The following IL17RC variants were observed in gnomAD, a reference collection of about 807,000 sequenced individuals.
IL17RC encodes interleukin-17 receptor C.
A neutral mutation model predicts 86.7 loss-of-function variants in IL17RC; 53 were observed. That is an observed-to-expected ratio of 0.61 (90% CI 0.49 to 0.77). The LOEUF is 0.77. IL17RC is among the 30% of genes least tolerant of loss of function. The probability of loss-of-function intolerance (pLI) is 0.00; values close to 1 mark genes in which losing one functional copy is unlikely to be tolerated. For synonymous variants in IL17RC, 439 were observed against 413.1 expected (o/e 1.06, Z -0.76); for missense variants, 957 against 940.0 (o/e 1.02, Z -0.24).
At position 9,932,840 on chromosome 3, in the gene IL17RC, C is replaced by A; in HGVS notation, c.1504C>A (p.Gln502Lys). 6.4e-7 allele frequency: 1 copy of A among 1,564,266 alleles called. No individual in the cohort carries two copies. The highest frequency in any genetic ancestry group is 2.0e-5 in the Admixed American group (1 of 50,678). ...AACAGGGTGGCTGAGGCTCTTGAAACAGGACGTCCGCTCGGGGGGTGAGTG... is the reference window on the plus strand; with the variant it reads ...AACAGGGTGGCTGAGGCTCTTGAAAAAGGACGTCCGCTCGGGGGGTGAGTG... ...HAKGWLRLLK[Q>K]DVRSGAAARG... The change falls in exon 18 of 19, where the codon CAG becomes AAG. Residue 502 changes from glutamine (Q) to lysine (K), a missense_variant. Transcript: ENST00000403601.
rs1260965644 is a variant in IL17RC, at chr3:9,932,863, G to A, written c.1522+5G>A. 10 of 1,576,948 alleles carry A rather than the reference G, an allele frequency of 6.3e-6. No individual in the cohort carries two copies. Among genetic ancestry groups the A allele is most frequent in the African/African-American group, 2.7e-5 (2 of 73,352 alleles). On this transcript the variant is annotated splice_donor_5th_base_variant and intron_variant, in intron 18 of 18. Transcript: ENST00000403601. ...AACAGGACGTCCGCTCGGGGGGTGA[G>A]TGGGAGCAAGCGCTGGGCGGAGGGC...
At position 9,924,267 on chromosome 3, in the gene IL17RC, C is replaced by T. The variant is rs1375880091; in HGVS notation, c.798C>T (p.Asp266=). The part of the protein sequence containing the change: ...GPQIITLNHT[D]LVPCLCIQVW... ...AGATCATTACCTTGAACCACACAGACCTGGTTCCCTGCCTCTGTATTCAGG... is the reference window on the plus strand; with the variant it reads ...AGATCATTACCTTGAACCACACAGATCTGGTTCCCTGCCTCTGTATTCAGG... The change falls in exon 9 of 19, where the codon GAC becomes GAT. Residue 266 remains aspartate (D), a synonymous_variant. Coordinates refer to ENST00000403601, the MANE Select transcript of IL17RC (RefSeq NM_153460.4). 6.2e-7 allele frequency: 1 copy of T among 1,614,108 alleles called. No individual in the cohort carries two copies. Among genetic ancestry groups the T allele is most frequent in the Non-Finnish European group, 8.5e-7 (1 of 1,179,974 alleles).
rs1553575263 is a variant in IL17RC at position 9,917,263 on chromosome 3, T to TGA, written c.-52_-51insAG. On this transcript the variant is annotated 5_prime_UTR_variant, in exon 1 of 19. Transcript: ENST00000403601. ...GGCTGACTGGGGTGTCTGCCCCCCT[T>TGA]GGGGGGGGGCAGCACAGGGCCTCAG... The TGA allele has an allele frequency of 8.1e-4, 1,057 of 1,301,794 alleles. 10 individuals carry two copies. The African/African-American group carries it at 0.014, about 17-fold the overall frequency. 80.6% of individuals were successfully genotyped at this position (1,301,794 alleles called of 1,614,324 possible). A position where few individuals can be genotyped will look rare whatever the true frequency, so the allele number is the denominator to read the frequency against.
chr3:9,925,352 A>G lies in IL17RC; in HGVS notation c.822+1061A>G, dbSNP rs368136527. 1.1e-4 allele frequency among the ~76,000 whole-genome samples: 16 copies of G among 151,698 alleles called. 1 individual carries two copies. Among genetic ancestry groups the G allele is most frequent in the East Asian group, 9.7e-4 (5 of 5,138 alleles). ...AGGATGGTCTCGATCTCCTGACCTT[A>G]TGATCCACAAGCCTCGTCCTCCCAA... On this transcript the variant is annotated intron_variant, in intron 9 of 18. Transcript: ENST00000403601.
In IL17RC at chr3:9,928,467, G is replaced by A; in HGVS notation, c.1040G>A (p.Trp347Ter). ...CAGCCACTGGTCCCACCGCTTTCCT[G>A]GGAGAACGTCACTGTGGACGTAAGT... ...PCQPLVPPLSWENVTVDKVLE... is the reference protein window; with the variant it reads ...PCQPLVPPLS Residue 347 changes from tryptophan (W) to a stop codon, truncating the protein, a stop_gained, in exon 11 of 19, where the codon TGG (tryptophan) becomes TAG (stop). Transcript: ENST00000403601. LOFTEE classifies it high-confidence loss of function. 1 of 1,610,996 alleles carries A rather than the reference G, an allele frequency of 6.2e-7. No individual in the cohort carries two copies. The highest frequency in any genetic ancestry group is 8.5e-7 in the Non-Finnish European group (1 of 1,179,758).
At position 9,929,939 on chromosome 3, in the gene IL17RC, A is replaced by T. The variant is rs779504500; in HGVS notation, c.1156+42A>T. The T allele has an allele frequency of 6.8e-6, 11 of 1,613,706 alleles. No homozygotes were observed. In the East Asian group the frequency reaches 2.5e-4, roughly 36 times the overall value. On this transcript the variant is annotated intron_variant, in intron 13 of 18. Coordinates refer to ENST00000403601, the MANE Select transcript of IL17RC (RefSeq NM_153460.4). ...GGCAGCTGGGGCAGGGCCACCTCCT[A>T]GGGGTGAAGGTCAGGGCATGGGAGG...
intron 9 of IL17RC, among the ~76,000 whole-genome samples, chr3:9,926,226 G>C (rs1241841609): frequency 6.6e-6 from 1 of 151,956 alleles, no homozygotes; most frequent in Non-Finnish European, 1.5e-5. Context: ...TAGAGACAGG[G>C]TTTCACCATG....
chr3:9,924,121 C>T (rs2083842595), intron 8 of IL17RC, 101 bp downstream of exon 8: 6 of 1,608,700 alleles, frequency 3.7e-6, no homozygotes, highest in Non-Finnish European at 5.1e-6. Flanking sequence ...GGACTCACCC[C>T]AAGCAAGGGA....
At position 9,933,292 on chromosome 3, in the gene IL17RC, T is replaced by G; in HGVS notation, c.1862T>G (p.Leu621Trp). The change falls in exon 19 of 19, where the codon TTG becomes TGG. Residue 621 changes from leucine (L) to tryptophan (W), a missense_variant. Transcript: ENST00000403601. ...CTCAGCTGCGTGCTGCCCGACTTCT[T>G]GCAGGGCCGGGCGCCCGGCAGCTAC... ...ASLSCVLPDFLQGRAPGSYVG... is the reference protein window; with the variant it reads ...ASLSCVLPDFWQGRAPGSYVG... 6.2e-6 allele frequency: 10 copies of G among 1,604,622 alleles called. No individual in the cohort carries two copies. The highest frequency in any genetic ancestry group is 8.5e-6 in the Non-Finnish European group (10 of 1,175,752).
intron 7 of IL17RC, 104 bp from the exon 8 acceptor site, chr3:9,923,777 G>C (rs1323195290): frequency 3.1e-6 from 4 of 1,299,148 alleles, no homozygotes; most frequent in Non-Finnish European, 4.3e-6. Flanking sequence ...TGCCCTCCGA[G>C]AGCCTCCCAG....
rs775939673 is a variant in IL17RC, at chr3:9,917,567, G to A, written c.106-146G>A. 3 of 1,614,164 alleles carry A rather than the reference G, an allele frequency of 1.9e-6. No homozygotes were observed. In the East Asian group the frequency reaches 6.7e-5, roughly 36 times the overall value. On this transcript the variant is annotated intron_variant, in intron 1 of 18. Coordinates refer to ENST00000403601, the MANE Select transcript of IL17RC (RefSeq NM_153460.4). Reference sequence around the variant, plus strand: ...GTGCTGATGGTAGAAGAGAAGAACGGGGAAGGGGCAAGAGCTGGGTCTGTC... The same window carrying A: ...GTGCTGATGGTAGAAGAGAAGAACGAGGAAGGGGCAAGAGCTGGGTCTGTC...
At chr3:9,921,649 G>C (rs1484136507) in intron 7 of IL17RC, among the ~76,000 whole-genome samples, 2 of 140,692 alleles carry the variant, frequency 1.4e-5, no homozygotes, top group African/African-American at 2.7e-5. Context: ...TTTTGAGACA[G>C]AGTCTCGCTC....
intron 12 of IL17RC, 98 bp from the exon 13 acceptor site, chr3:9,929,754 C>T (rs2084475162): frequency 7.4e-7 from 1 of 1,350,504 alleles, no homozygotes; most frequent in Non-Finnish European, 1.1e-6. Flanking sequence ...GTGCAGATTC[C>T]CAACCCAACA....
At position 9,927,678 on chromosome 3, in the gene IL17RC, C is replaced by T. The variant is rs772746522; in HGVS notation, c.823-488C>T. ...TGAATGGGCCAGGCGCGGTGGCTCA[C>T]GCTTGTAATCCCAACACTTTGGGAG... On this transcript the variant is annotated intron_variant, in intron 9 of 18. Coordinates refer to ENST00000403601, the MANE Select transcript of IL17RC (RefSeq NM_153460.4). Among the ~76,000 whole-genome samples the T allele has an allele frequency of 1.1e-4, 16 of 152,276 alleles. No homozygotes were observed. In the South Asian group the frequency reaches 1.7e-3, roughly 16 times the overall value.
rs1043124690 is a variant in IL17RC at position 9,930,595 on chromosome 3, A to G, written c.1338+136A>G. Reference sequence around the variant, plus strand: ...TAAGAGTAGAAGAAGCACAGTTCCTATCCCCAAGGAGCACACTGTTGGCTA... The same window carrying G: ...TAAGAGTAGAAGAAGCACAGTTCCTGTCCCCAAGGAGCACACTGTTGGCTA... On this transcript the variant is annotated intron_variant, in intron 15 of 18. Transcript: ENST00000403601. This position sits in a 1 kb window ranked among gnomAD's most constrained non-coding sequence, Gnocchi z 5.8. The G allele has an allele frequency of 8.2e-6, 7 of 852,416 alleles. No individual in the cohort carries two copies. In the African/African-American group the frequency reaches 1.0e-4, roughly 12 times the overall value. 52.8% of individuals were successfully genotyped at this position (852,416 alleles called of 1,614,324 possible). A position where few individuals can be genotyped will look rare whatever the true frequency, so the allele number is the denominator to read the frequency against.
chr3:9,927,667 G>A (rs900212040), intron 9 of IL17RC, among the ~76,000 whole-genome samples: 11 of 152,146 alleles, frequency 7.2e-5, no homozygotes, highest in South Asian at 6.2e-4. Context: ...TGGGCCAGGC[G>A]CGGTGGCTCA....
At chr3:9,920,849 C>G (rs886657786) in intron 6 of IL17RC, 76 bp from the exon 7 acceptor site, 3 of 1,274,068 alleles carry the variant, frequency 2.4e-6, no homozygotes, top group South Asian at 2.7e-5. Context: ...CTAATGCCCC[C>G]CTGGGAGCCA....
At chr3:9,928,126 C>T in intron 9 of IL17RC, 40 bp from the exon 10 acceptor site, 2 of 1,601,492 alleles carry the variant, frequency 1.2e-6, no homozygotes, top group Non-Finnish European at 1.7e-6. Flanking sequence ...AGGCACATGC[C>T]CATGGAGGGG....
intron 16 of IL17RC, among the ~76,000 whole-genome samples, chr3:9,932,032 T>C (rs1159882891): frequency 6.6e-6 from 1 of 152,106 alleles, no homozygotes; most frequent in Non-Finnish European, 1.5e-5. Flanking sequence ...TAACACATTG[T>C]GTTAAGCTTT....
Sources: gnomAD v4.1 joint callset for allele counts (sites outside exome capture counted in the v4.1 genomes callset) on GRCh38, gnomAD v4.1.1 for gene constraint, Gnocchi (gnomAD v3.1) non-coding constraint, MANE v1.5 for transcripts, NCBI Gene and HGNC (gene_info 2026-07-23, HGNC 2026-07-21) for gene names.